GPC5: variants seen among roughly 807,000 people sequenced by gnomAD.
GPC5 encodes the protein glypican-5.
GPC5 carries 47 observed loss-of-function variants against 53.9 expected under a neutral mutation model. The ratio of observed to expected loss-of-function variants is 0.87; its 90% CI spans 0.69 to 1.11. The LOEUF is 1.11. Ranked by LOEUF, GPC5 falls within the 50% of genes most tolerant of loss-of-function variation. GPC5 has a pLI of 0.00. For synonymous variants in GPC5, 286 were observed against 263.3 expected (o/e 1.09, Z -0.84); for missense variants, 748 against 713.1 (o/e 1.05, Z -0.56).
chr13:91,920,761 T>TA (rs1348300288), intron 6 of GPC5, among the ~76,000 whole-genome samples: 1 of 152,090 alleles, frequency 6.6e-6, no homozygotes, highest in Non-Finnish European at 1.5e-5. Flanking sequence ...AGACAATGCA[T>TA]AAAAAATGCC....
At chr13:91,992,459 CTT>C (rs34928600) in intron 6 of GPC5, among the ~76,000 whole-genome samples, 3,256 of 135,800 alleles carry the variant, frequency 0.024, 49 homozygotes, top group Non-Finnish European at 0.036. Flanking sequence ...AAGCTATTTA[CTT>C]TTTTTTTTTT....
intron 6 of GPC5, among the ~76,000 whole-genome samples, chr13:91,950,702 C>T (rs559995250): frequency 1.3e-4 from 20 of 152,142 alleles, no homozygotes; most frequent in Admixed American, 2.0e-4. Flanking sequence ...GTATACTCTG[C>T]GCTTTCTACT....
intron 7 of GPC5, among the ~76,000 whole-genome samples, chr13:92,788,361 T>C (rs1173276083): frequency 6.6e-6 from 1 of 152,128 alleles, no homozygotes; most frequent in Non-Finnish European, 1.5e-5. Context: ...TTTAAAAGCA[T>C]ATATTGAATC....
intron 2 of GPC5, among the ~76,000 whole-genome samples, chr13:91,471,087 T>C (rs1347698793): frequency 6.6e-6 from 1 of 152,186 alleles, no homozygotes; most frequent in African/African-American, 2.4e-5. Context: ...GACTATCTTT[T>C]GGTTAAAGGT....
At chr13:92,259,352 C>T (rs1287846135) in intron 7 of GPC5, among the ~76,000 whole-genome samples, 1 of 152,132 alleles carries the variant, frequency 6.6e-6, no homozygotes. Flanking sequence ...TTTGAATAAG[C>T]AAGATGCATA....
intron 5 of GPC5, among the ~76,000 whole-genome samples, chr13:91,880,359 G>T (rs1380942025): frequency 6.6e-6 from 1 of 151,624 alleles, no homozygotes; most frequent in Non-Finnish European, 1.5e-5. Flanking sequence ...TCCGTATTAT[G>T]GGCTATTTGT....
chr13:91,487,536 C>A (rs191979778), intron 2 of GPC5, among the ~76,000 whole-genome samples: 1 of 152,206 alleles, frequency 6.6e-6, no homozygotes, highest in Admixed American at 6.5e-5. Context: ...TAGGGTAGGG[C>A]CCCTTCCAAG....
At chr13:92,639,450 A>T (rs975266052) in intron 7 of GPC5, among the ~76,000 whole-genome samples, 1 of 152,262 alleles carries the variant, frequency 6.6e-6, no homozygotes, top group Non-Finnish European at 1.5e-5. Context: ...TGTATCATAG[A>T]TACTGTGAAA....
intron 7 of GPC5, among the ~76,000 whole-genome samples, chr13:92,346,550 G>T (rs542455437): frequency 1.2e-4 from 18 of 152,214 alleles, no homozygotes; most frequent in Admixed American, 9.8e-4. Flanking sequence ...AGTTTAAATA[G>T]CAAGGGTCTA....
chr13:91,484,228 G>C (rs1402832229), intron 2 of GPC5, among the ~76,000 whole-genome samples: 1 of 152,160 alleles, frequency 6.6e-6, no homozygotes, highest in Non-Finnish European at 1.5e-5. Context: ...GATAAAGAAG[G>C]AACATCCCTA....
chr13:91,939,236 A>G (rs947253852), intron 6 of GPC5, among the ~76,000 whole-genome samples: 2 of 152,170 alleles, frequency 1.3e-5, no homozygotes, highest in Non-Finnish European at 2.9e-5. Context: ...GATTTTATCT[A>G]CATATGATTG....
chr13:92,026,683 TA>T (rs1177386427), intron 6 of GPC5, among the ~76,000 whole-genome samples: 1 of 152,182 alleles, frequency 6.6e-6, no homozygotes, highest in South Asian at 2.1e-4. Flanking sequence ...AATATGTTGT[TA>T]AAAAAGTCTT....
intron 6 of GPC5, among the ~76,000 whole-genome samples, chr13:92,023,368 C>T (rs1463492297): frequency 6.6e-6 from 1 of 151,834 alleles, no homozygotes; most frequent in African/African-American, 2.4e-5. Flanking sequence ...TGTACCTTTC[C>T]TCATCTGTCA....
At chr13:92,252,755 A>G (rs1051098566) in intron 7 of GPC5, among the ~76,000 whole-genome samples, 3 of 152,150 alleles carry the variant, frequency 2.0e-5, no homozygotes, top group Non-Finnish European at 4.4e-5. Context: ...TAAAAACAGC[A>G]ATCGAAAAGT....
chr13:92,438,690 A>C (rs1388674569), intron 7 of GPC5, among the ~76,000 whole-genome samples: 1 of 152,092 alleles, frequency 6.6e-6, no homozygotes, highest in Non-Finnish European at 1.5e-5. Flanking sequence ...AATAACTGTT[A>C]CTGGGACAAT....
chr13:91,507,515 C>T (rs907713496), intron 2 of GPC5, among the ~76,000 whole-genome samples: 14 of 152,132 alleles, frequency 9.2e-5, no homozygotes, highest in Admixed American at 3.3e-4. Flanking sequence ...TTAAAACCAT[C>T]AGATCTTGTG....
At chr13:92,491,692 A>G (rs1391184874) in intron 7 of GPC5, among the ~76,000 whole-genome samples, 1 of 152,090 alleles carries the variant, frequency 6.6e-6, no homozygotes, top group Non-Finnish European at 1.5e-5. Context: ...CAAGAAATAT[A>G]TTGTCGAATG....
chr13:91,457,443 T>C (rs1170575704), intron 2 of GPC5, among the ~76,000 whole-genome samples: 1 of 152,164 alleles, frequency 6.6e-6, no homozygotes, highest in Non-Finnish European at 1.5e-5. Context: ...CATGAGATGT[T>C]AATTTGCATT....
intron 6 of GPC5, among the ~76,000 whole-genome samples, chr13:92,115,409 A>T (rs2041592411): frequency 1.3e-5 from 2 of 152,130 alleles, no homozygotes; most frequent in African/African-American, 4.8e-5. Context: ...GGAAGGTTGA[A>T]GCAGGAGAGT....
Sources: gnomAD v4.1 joint callset for allele counts (sites outside exome capture counted in the v4.1 genomes callset) on GRCh38, gnomAD v4.1.1 for gene constraint, MANE v1.5 for transcripts, NCBI Gene and HGNC (gene_info 2026-07-23, HGNC 2026-07-21) for gene names.